The following ATCAY variants were observed in gnomAD, a reference collection of about 807,000 sequenced individuals.
ATCAY encodes ATCAY kinesin light chain interacting caytaxin, also known as caytaxin.
Under a neutral mutation model 47.7 loss-of-function variants are expected in ATCAY, and 22 were observed. The ratio of observed to expected loss-of-function variants is 0.46; its 90% CI spans 0.33 to 0.66. The LOEUF (loss-of-function observed/expected upper bound fraction) is 0.66, where lower values mean the gene tolerates loss of function less well. Among genes scored for constraint, ATCAY ranks in the 30% least tolerant of loss-of-function variants. ATCAY has a pLI of 0.02. For synonymous variants in ATCAY, 216 were observed against 207.6 expected (o/e 1.04, Z -0.35); for missense variants, 452 against 515.0 (o/e 0.88, Z 1.18).
chr19:3,888,810 C>G (rs2038687536), intron 2 of ATCAY, among the ~76,000 whole-genome samples: 1 of 152,122 alleles, frequency 6.6e-6, no homozygotes, highest in Non-Finnish European at 1.5e-5. Context: ...CCGAGAGCTT[C>G]CTTCCCATTC....
At chr19:3,885,428 C>T (rs2038640466) in intron 1 of ATCAY, among the ~76,000 whole-genome samples, 2 of 151,908 alleles carry the variant, frequency 1.3e-5, no homozygotes, top group Admixed American at 1.3e-4. Flanking sequence ...GTGATGGGTG[C>T]CTGTAACCCC....
rs200905154 is a variant in ATCAY, at chr19:3,913,866, C to A, written c.965+10C>A. On this transcript the variant is annotated intron_variant, in intron 9 of 12. Coordinates refer to ENST00000450849, the MANE Select transcript of ATCAY (RefSeq NM_033064.5). Reference sequence around the variant, plus strand: ...CAGACTGCGTCCTGCAGTGAGTGGCCCCACAGTCCACCCCGCCGTATTAGT... The same window carrying A: ...CAGACTGCGTCCTGCAGTGAGTGGCACCACAGTCCACCCCGCCGTATTAGT... The A allele has an allele frequency of 2.1e-5, 34 of 1,603,122 alleles. No homozygotes were observed. In the Admixed American group the frequency reaches 4.7e-4, roughly 22 times the overall value.
chr19:3,912,583 T>A (rs11085047), intron 8 of ATCAY, among the ~76,000 whole-genome samples: 81,776 of 151,132 alleles, frequency 0.54, 22,996 homozygotes, highest in East Asian at 0.93. Flanking sequence ...GTGAAAAAAA[T>A]TTTTTTTTAA....
At chr19:3,920,325 C>T (rs1270500665) in intron 11 of ATCAY, 1 of 152,072 alleles carries the variant, frequency 6.6e-6, no homozygotes, top group Non-Finnish European at 1.5e-5. Flanking sequence ...GCCTGGGCAA[C>T]ATAACAAGAC....
At chr19:3,887,469 ATTTTT>A (rs891650078) in intron 2 of ATCAY, among the ~76,000 whole-genome samples, 9 of 150,196 alleles carry the variant, frequency 6.0e-5, no homozygotes, top group African/African-American at 2.2e-4. Context: ...ATTTTATTTT[ATTTTT>A]TTTATTTTAT....
chr19:3,885,805 T>C lies in ATCAY; in HGVS notation c.38T>C (p.Val13Ala), dbSNP rs1467407935. The change falls in exon 2 of 13, where the codon GTG becomes GCG. Residue 13 changes from valine to alanine, a missense_variant. Physicochemically the swap from Val to Ala is moderately conservative, Grantham distance 64. Coordinates refer to ENST00000450849, the MANE Select transcript of ATCAY (RefSeq NM_033064.5). ...GAAGCCACGCTCCGGATGGAAAACGTGGACGTGAAGGAGGAATGGCAGGAC... is the reference window on the plus strand; with the variant it reads ...GAAGCCACGCTCCGGATGGAAAACGCGGACGTGAAGGAGGAATGGCAGGAC... ...TTEATLRMEN[V>A]DVKEEWQDED... 4 of 1,551,952 alleles carry C rather than the reference T, an allele frequency of 2.6e-6. No individual in the cohort carries two copies. Among genetic ancestry groups the C allele is most frequent in the Admixed American group, 2.0e-5 (1 of 51,022 alleles).
intron 2 of ATCAY, among the ~76,000 whole-genome samples, chr19:3,900,895 C>CTTTTTTT (rs59395284): frequency 3.3e-5 from 3 of 92,250 alleles, no homozygotes; most frequent in East Asian, 3.3e-4. Context: ...TATCCTTCAT[C>CTTTTTTT]TTTTTTTTTT....
At chr19:3,885,011 G>A (rs1002316024) in intron 1 of ATCAY, among the ~76,000 whole-genome samples, 10 of 151,094 alleles carry the variant, frequency 6.6e-5, no homozygotes, top group Non-Finnish European at 1.0e-4. Flanking sequence ...GCTGAGGCAG[G>A]AGGATTGCTT....
rs2038875955 is a variant in ATCAY at position 3,907,755 on chromosome 19, C to T, written c.380C>T (p.Ala127Val). The change falls in exon 5 of 13, where the codon GCC becomes GTC. Residue 127 changes from alanine (A) to valine (V), a missense_variant. By Grantham distance (64) the Ala-to-Val change is moderately conservative. Transcript: ENST00000450849. The surrounding 1 kb of genome is among the most constrained non-coding windows in gnomAD (Gnocchi z 5.1). ...EWEDDTPVAT[A>V]KNMPGDSADL... ...CTAGACGACACCCCCGTGGCCACCG[C>T]CAAGAACATGCCCGGGGACAGCGCG... 4 of 1,614,026 alleles carry T rather than the reference C, an allele frequency of 2.5e-6. No homozygotes were observed. The highest frequency in any genetic ancestry group is 2.2e-5 in the South Asian group (2 of 91,088).
chr19:3,921,434 A>C (rs2039018733), intron 12 of ATCAY, among the ~76,000 whole-genome samples: 1 of 151,768 alleles, frequency 6.6e-6, no homozygotes, highest in Non-Finnish European at 1.5e-5. Context: ...TGTCTCAAAA[A>C]AAGAAAAAAA....
chr19:3,926,748 GCCA>G lies in ATCAY; in HGVS notation c.*2159_*2161del, dbSNP rs2145274672. 1 of 152,340 alleles carries G rather than the reference GCCA, an allele frequency of 6.6e-6. No homozygotes were observed. The highest frequency in any genetic ancestry group is 2.1e-4 in the South Asian group (1 of 4,822). 9.4% of individuals were successfully genotyped at this position (152,340 alleles called of 1,614,324 possible). ...GCTTATGCCTGCAGGTTCCTGTGGA[GCCA>G]CCGGCTGTGACGGGACACCTCTGGG... is the stretch of plus-strand genomic sequence containing the variant. On this transcript the variant is annotated 3_prime_UTR_variant, in exon 13 of 13. Transcript: ENST00000450849.
At chr19:3,885,874 T>C (rs2038646838) in intron 2 of ATCAY, 30 bp downstream of exon 2, 4 of 1,548,622 alleles carry the variant, frequency 2.6e-6, no homozygotes, top group South Asian at 1.2e-5. Flanking sequence ...GAGTCAACCG[T>C]TGGGGGAGCA....
Position 3,905,701 on chromosome 19 carries a change from C to G in ATCAY, c.358+46C>G, listed in dbSNP as rs552408541. Reference sequence around the variant, plus strand: ...GGGGCCTGCTGGAGCCCACCCCCCCCACCCCACCTTTCCGTCTCTGGATTC... The same window carrying G: ...GGGGCCTGCTGGAGCCCACCCCCCCGACCCCACCTTTCCGTCTCTGGATTC... On this transcript the variant is annotated intron_variant, in intron 4 of 12. Transcript: ENST00000450849. 329 of 1,525,128 alleles carry G rather than the reference C, an allele frequency of 2.2e-4. 2 individuals are homozygous for G. In the Middle Eastern group the frequency reaches 3.0e-3, roughly 14 times the overall value. 94.5% of individuals were successfully genotyped at this position (1,525,128 alleles called of 1,614,324 possible). A position where few individuals can be genotyped will look rare whatever the true frequency, so the allele number is the denominator to read the frequency against.
intron 2 of ATCAY, among the ~76,000 whole-genome samples, chr19:3,898,420 A>G (rs954215939): frequency 6.6e-6 from 1 of 152,172 alleles, no homozygotes; most frequent in African/African-American, 2.4e-5. Flanking sequence ...CCTGGGCTCA[A>G]TGAACCCGCC....
chr19:3,892,771 G>A (rs970445385), intron 2 of ATCAY, among the ~76,000 whole-genome samples: 1 of 152,032 alleles, frequency 6.6e-6, no homozygotes, highest in Non-Finnish European at 1.5e-5. Flanking sequence ...AACTGGGTGT[G>A]GTGGCGGGCA....
chr19:3,895,167 A>C (rs2038757775), intron 2 of ATCAY: 2 of 456,126 alleles, frequency 4.4e-6, no homozygotes, highest in Non-Finnish European at 8.8e-6. Flanking sequence ...CACCAAGTCC[A>C]AAATCCACAG....
At chr19:3,917,234 T>C (rs893218049) in intron 9 of ATCAY, among the ~76,000 whole-genome samples, 1 of 151,112 alleles carries the variant, frequency 6.6e-6, no homozygotes, top group African/African-American at 2.4e-5. Context: ...AGGCTACAAG[T>C]GAGTTCATGC....
chr19:3,926,414 T>C lies in ATCAY; in HGVS notation c.*1822T>C, dbSNP rs1023327143. 1.3e-5 allele frequency: 2 copies of C among 152,168 alleles called. No homozygotes were observed. Among genetic ancestry groups the C allele is most frequent in the African/African-American group, 4.8e-5 (2 of 41,434 alleles). The allele number at this position is 152,168 out of a possible 1,614,324, so 9.4% of individuals were successfully genotyped here. ...TCTATCAGTCTGAGCAGACGGTGAGTAGGGCGGGCACATTCTCCAGGCCCT... is the reference window on the plus strand; with the variant it reads ...TCTATCAGTCTGAGCAGACGGTGAGCAGGGCGGGCACATTCTCCAGGCCCT... On this transcript the variant is annotated 3_prime_UTR_variant, in exon 13 of 13. Coordinates refer to ENST00000450849, the MANE Select transcript of ATCAY (RefSeq NM_033064.5).
rs371046708 is a variant in ATCAY, at chr19:3,920,813, G to A, written c.1106+15G>A. On this transcript the variant is annotated intron_variant, in intron 12 of 12. Coordinates refer to ENST00000450849, the MANE Select transcript of ATCAY (RefSeq NM_033064.5). ...CAGGAAACAAGGTGGGTGTGATGCAGAGTGGTCTTCGTGCTGTTTTCAAAA... is the reference window on the plus strand; with the variant it reads ...CAGGAAACAAGGTGGGTGTGATGCAAAGTGGTCTTCGTGCTGTTTTCAAAA... 6.2e-7 allele frequency: 1 copy of A among 1,613,554 alleles called. No homozygotes were observed. Among genetic ancestry groups the A allele is most frequent in the Non-Finnish European group, 8.5e-7 (1 of 1,179,664 alleles).
Sources: gnomAD v4.1 joint callset for allele counts (sites outside exome capture counted in the v4.1 genomes callset) on GRCh38, gnomAD v4.1.1 for gene constraint, Gnocchi (gnomAD v3.1) non-coding constraint, MANE v1.5 for transcripts, NCBI Gene and HGNC (gene_info 2026-07-23, HGNC 2026-07-21) for gene names.